Variants in XCR1 observed in about 807,000 individuals in gnomAD.
The protein encoded by XCR1 is chemokine XC receptor 1.
For synonymous variants in XCR1, 187 were observed against 188.5 expected (o/e 0.99, Z 0.06); for missense variants, 356 against 424.2 (o/e 0.84, Z 1.41).
chr3:46,057,087 T>C (rs1575429810), intron 4 of XCR1, among the ~76,000 whole-genome samples: 2 of 152,326 alleles, frequency 1.3e-5, no homozygotes, highest in East Asian at 3.9e-4. Flanking sequence ...TGATGCTAAA[T>C]GCAAGAAGCA....
upstream of XCR1, among the ~76,000 whole-genome samples, chr3:46,032,188 C>T (rs1425869501): frequency 3.9e-5 from 6 of 152,338 alleles, no homozygotes; most frequent in South Asian, 2.1e-4. Flanking sequence ...GCCATATGGG[C>T]GAAGAGGAGA....
chr3:46,036,998 T>C (rs1697442046), intron 5 of XCR1, among the ~76,000 whole-genome samples: 1 of 152,210 alleles, frequency 6.6e-6, no homozygotes, highest in Admixed American at 6.5e-5. Flanking sequence ...TTATTTTCAA[T>C]GCTTATTGGA....
chr3:46,079,503 T>G (rs1009826847), intron 1 of XCR1, among the ~76,000 whole-genome samples: 1 of 152,148 alleles, frequency 6.6e-6, no homozygotes. Flanking sequence ...TCCCTTCCAC[T>G]TCCAGCTGTT....
rs1179049951 is a variant in XCR1 at position 46,024,314 on chromosome 3, G to A, written c.-31-2336C>T. On this transcript the variant is annotated intron_variant, in intron 1 of 1. Coordinates refer to ENST00000309285, the MANE Select transcript of XCR1 (RefSeq NM_001024644.2). ...GGTGGACTGTGGGAGAATAGGCATT[G>A]CCAGGACTTGGGAAACAGTCACTGT... 2.6e-5 allele frequency among the ~76,000 whole-genome samples: 4 copies of A among 152,096 alleles called. No individual in the cohort carries two copies. In the East Asian group the frequency reaches 7.7e-4, roughly 29 times the overall value.
intron 3 of XCR1, among the ~76,000 whole-genome samples, chr3:46,073,220 A>T (rs1698192125): frequency 6.6e-6 from 1 of 152,240 alleles, no homozygotes; most frequent in Non-Finnish European, 1.5e-5. Flanking sequence ...AGAATTAATG[A>T]CTAATATCTC....
chr3:46,079,131 G>A (rs558465324), intron 1 of XCR1, among the ~76,000 whole-genome samples: 1 of 152,264 alleles, frequency 6.6e-6, no homozygotes, highest in African/African-American at 2.4e-5. Flanking sequence ...CCTAAGTTAC[G>A]GGAAATCAAG....
chr3:46,041,808 C>A (rs1697541339), intron 5 of XCR1, among the ~76,000 whole-genome samples: 1 of 152,182 alleles, frequency 6.6e-6, no homozygotes, highest in South Asian at 2.1e-4. Flanking sequence ...CAATGAAACA[C>A]CAGCCTTCTC....
intron 4 of XCR1, among the ~76,000 whole-genome samples, chr3:46,063,249 G>A (rs908158354): frequency 2.6e-5 from 4 of 152,284 alleles, no homozygotes; most frequent in Middle Eastern, 3.4e-3. Flanking sequence ...GGATGGTAAA[G>A]TATCCCTGAT....
chr3:46,025,605 A>G (rs193275649), intron 1 of XCR1, among the ~76,000 whole-genome samples: 1 of 152,364 alleles, frequency 6.6e-6, no homozygotes, highest in Admixed American at 6.5e-5. Flanking sequence ...AACATGCAGC[A>G]TATCAAAACT....
At chr3:46,042,203 G>T (rs1278415120) in intron 5 of XCR1, among the ~76,000 whole-genome samples, 1 of 152,148 alleles carries the variant, frequency 6.6e-6, no homozygotes, top group Non-Finnish European at 1.5e-5. Flanking sequence ...TACTGTAAAT[G>T]CCTATACTTT....
upstream of XCR1, among the ~76,000 whole-genome samples, chr3:46,028,908 G>A (rs984626812): frequency 3.9e-5 from 6 of 152,008 alleles, no homozygotes; most frequent in Admixed American, 1.3e-4. Flanking sequence ...TAACTTTCAC[G>A]AAATCTAATT....
chr3:46,023,362 G>A, intron 1 of XCR1: 1 of 1,404,816 alleles, frequency 7.1e-7, no homozygotes, highest in Non-Finnish European at 1.0e-6. Context: ...CCGTTTATTA[G>A]CTGCAGGCAA....
At chr3:46,026,349 C>T (rs1708286869) in intron 1 of XCR1, among the ~76,000 whole-genome samples, 1 of 152,050 alleles carries the variant, frequency 6.6e-6, no homozygotes, top group Non-Finnish European at 1.5e-5. Context: ...TGTCTCTCTC[C>T]CTCCCCATCT....
intron 1 of XCR1, among the ~76,000 whole-genome samples, chr3:46,085,436 A>G (rs1024148427): frequency 2.6e-5 from 4 of 152,192 alleles, no homozygotes; most frequent in African/African-American, 7.2e-5. Flanking sequence ...TCTTATCATG[A>G]CAATTGTTCT....
At chr3:46,057,882 G>GTCTGTCTATCTA (rs1553634097) in intron 4 of XCR1, among the ~76,000 whole-genome samples, 32 of 134,878 alleles carry the variant, frequency 2.4e-4, no homozygotes, top group African/African-American at 6.6e-4. Flanking sequence ...TTATCTGTCT[G>GTCTGTCTATCTA]TCTATCTATC....
chr3:46,068,802 G>GTGTGTA (rs1698119150), intron 3 of XCR1, among the ~76,000 whole-genome samples: 1 of 147,138 alleles, frequency 6.8e-6, no homozygotes, highest in African/African-American at 2.5e-5. Flanking sequence ...GTGTGTGTGT[G>GTGTGTA]TGTATGGTTT....
intron 5 of XCR1, among the ~76,000 whole-genome samples, chr3:46,044,405 C>A (rs538803830): frequency 1.3e-5 from 2 of 152,122 alleles, no homozygotes; most frequent in East Asian, 3.9e-4. Context: ...AAGTCCTTTG[C>A]CCACTTTTAA....
intron 1 of XCR1, among the ~76,000 whole-genome samples, chr3:46,079,246 C>T (rs1182440694): frequency 2.6e-5 from 4 of 152,092 alleles, no homozygotes; most frequent in African/African-American, 4.8e-5. Context: ...TCTAGGAAAA[C>T]GGACCCATAT....
In XCR1 at chr3:46,017,860, T is replaced by C. The variant is rs1400465078; in HGVS notation, c.*3086A>G. 4 of 152,468 alleles carry C rather than the reference T, an allele frequency of 2.6e-5. No individual in the cohort carries two copies. Among genetic ancestry groups the C allele is most frequent in the Non-Finnish European group, 4.4e-5 (3 of 68,308 alleles). 9.4% of individuals were successfully genotyped at this position (152,468 alleles called of 1,614,324 possible). On this transcript the variant is annotated 3_prime_UTR_variant, in exon 2 of 2. Coordinates refer to ENST00000309285, the MANE Select transcript of XCR1 (RefSeq NM_001024644.2). The stretch of plus-strand genomic sequence containing the variant: ...TAGGCCTGCAAGAGTCCAGTTGAGA[T>C]TGAGCAATGGTTTCTGTGGGTGGAG...
Sources: allele counts gnomAD v4.1 joint callset (sites outside exome capture counted in the v4.1 genomes callset), GRCh38; gene constraint gnomAD v4.1.1; transcripts MANE v1.5; gene names NCBI Gene and HGNC (gene_info 2026-07-23, HGNC 2026-07-21).